ERC1: variants seen among roughly 807,000 people sequenced by gnomAD.
The protein encoded by ERC1 is RAB6 interacting protein 2.
ERC1 carries 56 observed loss-of-function variants against 132.0 expected under a neutral mutation model. The observed-to-expected ratio is 0.42, with a 90% CI of 0.34 to 0.53. The LOEUF is 0.53. Among genes scored for constraint, ERC1 ranks in the 20% least tolerant of loss-of-function variants. ERC1 has a pLI of 0.03. For missense variants in ERC1, 1,202 were observed against 1,349.9 expected (o/e 0.89, Z 1.72); for synonymous variants, 478 against 476.1 (o/e 1.00, Z -0.05).
intron 15 of ERC1, among the ~76,000 whole-genome samples, chr12:1,356,893 C>G (rs1295075217): frequency 6.6e-6 from 1 of 152,162 alleles, no homozygotes; most frequent in East Asian, 1.9e-4. Context: ...AGATTGATAG[C>G]TGATGAATAA....
At chr12:1,039,548 G>T (rs967809052) in intron 2 of ERC1, among the ~76,000 whole-genome samples, 8 of 151,366 alleles carry the variant, frequency 5.3e-5, no homozygotes, top group Non-Finnish European at 1.2e-4. Flanking sequence ...AGAAAGAAAA[G>T]AAATATTTGG....
intron 13 of ERC1, among the ~76,000 whole-genome samples, chr12:1,238,797 G>A (rs1352673543): frequency 3.9e-5 from 6 of 152,036 alleles, no homozygotes; most frequent in Non-Finnish European, 7.4e-5. Flanking sequence ...AACACCAAAA[G>A]TGCTTTCATA....
At chr12:1,423,271 A>G (rs114150004) in intron 17 of ERC1, among the ~76,000 whole-genome samples, 1 of 152,256 alleles carries the variant, frequency 6.6e-6, no homozygotes, top group African/African-American at 2.4e-5. Flanking sequence ...TTCTGCTTTC[A>G]CCTTACAAAA....
At chr12:1,017,902 A>AT (rs906776992) in intron 1 of ERC1, among the ~76,000 whole-genome samples, 1 of 151,980 alleles carries the variant, frequency 6.6e-6, no homozygotes, top group African/African-American at 2.4e-5. Flanking sequence ...TTTAATAGAG[A>AT]TTTTTTTAGT....
rs186606389 is a variant in ERC1, at chr12:1,251,687, C to T, written c.2488-11347C>T. ...GAAAGAAAGCAAAAACACGGCTTAACATTACTTTTTAAAATTCTGCAGTGT... is the reference window on the plus strand; with the variant it reads ...GAAAGAAAGCAAAAACACGGCTTAATATTACTTTTTAAAATTCTGCAGTGT... On this transcript the variant is annotated intron_variant, in intron 13 of 18. Transcript: ENST00000360905. Among the ~76,000 whole-genome samples the T allele has an allele frequency of 1.6e-3, 236 of 152,244 alleles. 1 individual carries two copies. The highest frequency in any genetic ancestry group is 4.6e-3 in the Admixed American group (70 of 15,294).
chr12:1,322,277 C>T (rs960848030), intron 15 of ERC1, among the ~76,000 whole-genome samples: 1 of 152,126 alleles, frequency 6.6e-6, no homozygotes, highest in Non-Finnish European at 1.5e-5. Flanking sequence ...ATAGTAGGCT[C>T]TCACTACATG....
chr12:1,238,096 GT>G (rs2075549179), intron 13 of ERC1, among the ~76,000 whole-genome samples: 1 of 150,192 alleles, frequency 6.7e-6, no homozygotes, highest in African/African-American at 2.5e-5. Flanking sequence ...CAGCATGCCC[GT>G]TTTTCCTCAT....
chr12:1,038,411 G>C (rs888603191), intron 2 of ERC1, among the ~76,000 whole-genome samples: 1 of 151,926 alleles, frequency 6.6e-6, no homozygotes, highest in East Asian at 1.9e-4. Context: ...GCCCAGGCTG[G>C]AGTGCAGTGG....
At chr12:1,286,293 C>CAAAA (rs71293127) in intron 14 of ERC1, among the ~76,000 whole-genome samples, 4 of 81,260 alleles carry the variant, frequency 4.9e-5, no homozygotes, top group African/African-American at 5.0e-5. Flanking sequence ...GACTCCATCT[C>CAAAA]AAAAAAAAAA....
At chr12:1,389,363 A>G (rs1177493123) in intron 16 of ERC1, among the ~76,000 whole-genome samples, 1 of 152,224 alleles carries the variant, frequency 6.6e-6, no homozygotes, top group African/African-American at 2.4e-5. Flanking sequence ...AAAATGGAAT[A>G]GCTTGCTTAA....
chr12:1,310,871 C>T (rs940569148), intron 15 of ERC1, among the ~76,000 whole-genome samples: 2 of 152,254 alleles, frequency 1.3e-5, no homozygotes, highest in Non-Finnish European at 2.9e-5. Context: ...AGCACAGCTG[C>T]ATAACTGCAG....
chr12:990,287 T>C (rs1959169269), upstream of ERC1: 1 of 152,144 alleles, frequency 6.6e-6, no homozygotes, highest in Non-Finnish European at 1.5e-5. Context: ...CCATTCTTAC[T>C]TTCTTGGTTT....
intron 13 of ERC1, among the ~76,000 whole-genome samples, chr12:1,246,908 C>T (rs960279411): frequency 2.0e-5 from 3 of 152,212 alleles, no homozygotes; most frequent in East Asian, 1.9e-4. Flanking sequence ...CAGATGTATT[C>T]GAGGGGAAAT....
chr12:1,039,828 A>G (rs1565840192), intron 2 of ERC1, among the ~76,000 whole-genome samples: 1 of 152,224 alleles, frequency 6.6e-6, no homozygotes, highest in African/African-American at 2.4e-5. Flanking sequence ...TTAATTCAGT[A>G]TCAGCTACAT....
chr12:1,097,700 T>C (rs1055370931), intron 3 of ERC1, among the ~76,000 whole-genome samples: 5 of 151,392 alleles, frequency 3.3e-5, no homozygotes, highest in Admixed American at 6.6e-5. Flanking sequence ...CTCTGTGTTT[T>C]GTTTTTAATT....
In ERC1 at chr12:1,122,511, ATCTGTG is replaced by A. The variant is rs1380251442; in HGVS notation, c.1569+6482_1569+6487del. 8.9e-5 allele frequency among the ~76,000 whole-genome samples: 7 copies of A among 78,376 alleles called. 1 individual carries two copies. Among genetic ancestry groups the A allele is most frequent in the African/African-American group, 2.7e-4 (4 of 15,018 alleles). The allele number at this position is 78,376 out of a possible 152,430, so 51.4% of individuals were successfully genotyped here. A position where few individuals can be genotyped will look rare whatever the true frequency, so the allele number is the denominator to read the frequency against. Reference sequence around the variant, plus strand: ...TATCTCTATCTCTATCTCTATCTCTATCTGTGTCTCTATCTCTATCTCTATCTCTAT... The same window carrying A: ...TATCTCTATCTCTATCTCTATCTCTATCTCTATCTCTATCTCTATCTCTAT... On this transcript the variant is annotated intron_variant, in intron 7 of 18. Coordinates refer to ENST00000360905, the MANE Select transcript of ERC1 (RefSeq NM_178040.4).
intron 13 of ERC1, among the ~76,000 whole-genome samples, chr12:1,260,182 T>C (rs2077056737): frequency 6.6e-6 from 1 of 152,184 alleles, no homozygotes; most frequent in African/African-American, 2.4e-5. Context: ...CCATATTTGA[T>C]TGGTAGTTTA....
chr12:1,189,815 C>G, intron 11 of ERC1, 44 bp from the exon 12 acceptor site: 1 of 1,483,150 alleles, frequency 6.7e-7, no homozygotes, highest in Non-Finnish European at 9.1e-7. Context: ...TTGCCCATTG[C>G]CACCTGTGTG....
At chr12:1,066,087 A>G (rs1939126910) in intron 2 of ERC1, among the ~76,000 whole-genome samples, 1 of 152,242 alleles carries the variant, frequency 6.6e-6, no homozygotes, top group Admixed American at 6.5e-5. Context: ...GGAACTAGGT[A>G]GAGGCAGTCA....
Sources: allele counts gnomAD v4.1 joint callset (sites outside exome capture counted in the v4.1 genomes callset), GRCh38; gene constraint gnomAD v4.1.1; transcripts MANE v1.5; gene names NCBI Gene and HGNC (gene_info 2026-07-23, HGNC 2026-07-21).